The following MORC3 variants were observed in gnomAD, a reference collection of about 807,000 sequenced individuals.
MORC3 encodes the protein MORC family CW-type zinc finger protein 3.
Under a neutral mutation model 109.1 loss-of-function variants are expected in MORC3, and 31 were observed. That is an observed-to-expected ratio of 0.28 (90% CI 0.21 to 0.38). The LOEUF is 0.38. Among genes scored for constraint, MORC3 ranks in the 10% least tolerant of loss-of-function variants. The pLI, the probability that MORC3 is intolerant of heterozygous loss-of-function variation, is 1.00. For missense variants in MORC3, 867 were observed against 1,135.8 expected (o/e 0.76, Z 3.40); for synonymous variants, 395 against 380.7 (o/e 1.04, Z -0.44).
intron 4 of MORC3, 60 bp from the exon 5 acceptor site, chr21:36,338,714 T>C: frequency 6.8e-7 from 1 of 1,469,404 alleles, no homozygotes; most frequent in Non-Finnish European, 9.3e-7. Context: ...ATAGAGTTAG[T>C]TTTCATATTG....
chr21:36,345,422 G>GT (rs2085496726), intron 8 of MORC3, among the ~76,000 whole-genome samples: 1 of 149,688 alleles, frequency 6.7e-6, no homozygotes, highest in South Asian at 2.1e-4. Context: ...GGTTTTTTTT[G>GT]TTTTTTGTTT....
intron 14 of MORC3, among the ~76,000 whole-genome samples, chr21:36,366,707 G>C (rs1357162024): frequency 6.6e-6 from 1 of 152,106 alleles, no homozygotes; most frequent in Non-Finnish European, 1.5e-5. Flanking sequence ...TGCCTGCCTC[G>C]GCCTCCCAAA....
rs924764157 is a variant in MORC3 at position 36,344,626 on chromosome 21, A to C, written c.804A>C (p.Leu268=). ...LYLKPRMQII[L]RGQKVKTQLV... is the part of the protein sequence containing the mutation. ...TAAAGCCAAGAATGCAGATCATCCT[A>C]CGTGGACAGAAAGTGAAGACACAGC... The change falls in exon 7 of 17, where the codon CTA becomes CTC. Residue 268 remains leucine, a synonymous_variant. Transcript: ENST00000400485. 2 of 1,613,986 alleles carry C rather than the reference A, an allele frequency of 1.2e-6. No homozygotes were observed. Among genetic ancestry groups the C allele is most frequent in the Non-Finnish European group, 1.7e-6 (2 of 1,179,982 alleles).
At chr21:36,330,948 A>G (rs2146291477) in intron 1 of MORC3, among the ~76,000 whole-genome samples, 1 of 152,322 alleles carries the variant, frequency 6.6e-6, no homozygotes, top group Middle Eastern at 3.4e-3. Context: ...GTATTATGTG[A>G]TGTCTGCCAG....
intron 8 of MORC3, among the ~76,000 whole-genome samples, chr21:36,348,740 G>C (rs563040917): frequency 6.6e-6 from 1 of 152,270 alleles, no homozygotes; most frequent in Admixed American, 6.5e-5. Context: ...TAACATTGGG[G>C]ATGTTAATAC....
intron 12 of MORC3, among the ~76,000 whole-genome samples, chr21:36,361,517 G>A (rs1371169623): frequency 8.3e-6 from 1 of 120,866 alleles, no homozygotes; most frequent in African/African-American, 3.1e-5. Flanking sequence ...TTCCAGCCTG[G>A]GCGACAGAGT....
At chr21:36,346,315 G>T (rs951056458) in intron 8 of MORC3, among the ~76,000 whole-genome samples, 1 of 152,178 alleles carries the variant, frequency 6.6e-6, no homozygotes, top group Non-Finnish European at 1.5e-5. Context: ...CAATGCGCTC[G>T]GCCTAGTATA....
rs918019472 is a variant in MORC3, at chr21:36,369,123, C to T, written c.1755C>T (p.Thr585=). ...EDVIILEENS[T]PKPAVDHDID... ...TCATCATCTTAGAAGAAAACAGTACCCCCAAACCTGCAGTAGATCATGATA... is the reference window on the plus strand; with the variant it reads ...TCATCATCTTAGAAGAAAACAGTACTCCCAAACCTGCAGTAGATCATGATA... Residue 585 remains threonine, a synonymous_variant, in exon 15 of 17, where the codon ACC becomes ACT. Transcript: ENST00000400485. The T allele has an allele frequency of 1.1e-5, 18 of 1,613,694 alleles. No individual in the cohort carries two copies. Among genetic ancestry groups the T allele is most frequent in the Non-Finnish European group, 1.5e-5 (18 of 1,179,958 alleles).
At chr21:36,366,395 T>A (rs2085782130) in intron 14 of MORC3, among the ~76,000 whole-genome samples, 1 of 152,048 alleles carries the variant, frequency 6.6e-6, no homozygotes, top group Non-Finnish European at 1.5e-5. Context: ...GCAAAGAAAA[T>A]TTTTTAAAAG....
intron 1 of MORC3, among the ~76,000 whole-genome samples, chr21:36,323,995 C>T (rs1255461592): frequency 6.6e-6 from 1 of 151,994 alleles, no homozygotes; most frequent in Non-Finnish European, 1.5e-5. Context: ...CCCGCCTCAG[C>T]CTCCCGAGTA....
At chr21:36,368,494 A>C (rs2085806302) in intron 14 of MORC3, among the ~76,000 whole-genome samples, 1 of 152,134 alleles carries the variant, frequency 6.6e-6, no homozygotes, top group East Asian at 1.9e-4. Context: ...ATCTGTAAAA[A>C]GAGAAAATAA....
intron 16 of MORC3, 120 bp downstream of exon 16, chr21:36,372,651 C>T: frequency 2.0e-6 from 2 of 1,009,152 alleles, no homozygotes; most frequent in African/African-American, 1.7e-5. Flanking sequence ...TGATGGTCTG[C>T]TGTGACCCTG....
At chr21:36,320,553 C>G in intron 1 of MORC3, 1 of 336,578 alleles carries the variant, frequency 3.0e-6, no homozygotes. Context: ...GCGGCTCCTC[C>G]TCCCAGCTCC....
At chr21:36,372,566 A>G (rs367884549) in intron 16 of MORC3, 35 bp downstream of exon 16, 70 of 1,542,480 alleles carry the variant, frequency 4.5e-5, no homozygotes, top group Non-Finnish European at 5.6e-5. Flanking sequence ...TGGGGCTGCA[A>G]TTATGGTTAG....
At chr21:36,344,348 A>G (rs1416402776) in intron 6 of MORC3, among the ~76,000 whole-genome samples, 1 of 152,208 alleles carries the variant, frequency 6.6e-6, no homozygotes, top group East Asian at 1.9e-4. Context: ...ATCAGCATCT[A>G]TATAGATCAG....
intron 1 of MORC3, among the ~76,000 whole-genome samples, chr21:36,327,110 G>A (rs558812171): frequency 5.4e-5 from 8 of 147,890 alleles, no homozygotes; most frequent in South Asian, 4.3e-4. Flanking sequence ...GAGCCAGCGC[G>A]CCTGGCCTCA....
intron 15 of MORC3, among the ~76,000 whole-genome samples, chr21:36,370,639 ATTTTTTTTTTTTTTTTTTT>A (rs869169013): frequency 2.7e-5 from 1 of 37,568 alleles, no homozygotes; most frequent in Non-Finnish European, 5.2e-5. Flanking sequence ...ATATATATAT[ATTTTTTTTTTTTTTTTTTT>A]TTTTTTTTTT....
At chr21:36,323,493 G>A (rs899068155) in intron 1 of MORC3, among the ~76,000 whole-genome samples, 1 of 151,980 alleles carries the variant, frequency 6.6e-6, no homozygotes, top group Non-Finnish European at 1.5e-5. Flanking sequence ...TAGTGGTGGA[G>A]AATATCCACC....
intron 1 of MORC3, among the ~76,000 whole-genome samples, chr21:36,333,074 A>G (rs2085334171): frequency 6.6e-6 from 1 of 152,222 alleles, no homozygotes; most frequent in African/African-American, 2.4e-5. Flanking sequence ...GGCATGAGCC[A>G]CTGCGCCCGG....
Sources: allele counts gnomAD v4.1 joint callset (sites outside exome capture counted in the v4.1 genomes callset), GRCh38; gene constraint gnomAD v4.1.1; transcripts MANE v1.5; gene names NCBI Gene and HGNC (gene_info 2026-07-23, HGNC 2026-07-21).